MGRN1: variants seen among roughly 807,000 people sequenced by gnomAD.
The protein encoded by MGRN1 is mahogunin ring finger 1, also known as E3 ubiquitin-protein ligase MGRN1.
MGRN1 carries 29 observed loss-of-function variants against 69.2 expected under a neutral mutation model. That is an observed-to-expected ratio of 0.42 (90% CI 0.31 to 0.57). The LOEUF is 0.57. Among genes scored for constraint, MGRN1 ranks in the 20% least tolerant of loss-of-function variants. The pLI, the probability that MGRN1 is intolerant of heterozygous loss-of-function variation, is 0.15. For synonymous variants in MGRN1, 470 were observed against 344.2 expected (o/e 1.37, Z -4.04); for missense variants, 998 against 796.2 (o/e 1.25, Z -3.05).
At chr16:4,685,986 C>T (rs781346364) in intron 16 of MGRN1, among the ~76,000 whole-genome samples, 2 of 152,218 alleles carry the variant, frequency 1.3e-5, no homozygotes, top group East Asian at 1.9e-4. Context: ...AGGTGGACTG[C>T]GCCCGTTAGG....
Position 4,664,905 on chromosome 16 carries a change from G to T in MGRN1, c.628+130G>T, listed in dbSNP as rs756460694. 25 of 1,324,544 alleles carry T rather than the reference G, an allele frequency of 1.9e-5. No individual in the cohort carries two copies. The African/African-American group carries it at 3.3e-4, about 18-fold the overall frequency. The allele number at this position is 1,324,544 out of a possible 1,614,324, so 82.0% of individuals were successfully genotyped here. ...GGGCCTTGGGCTTCCCACAGGGCAG[G>T]GTGTGAGCAGCTTGGAGTCCCGGGC... is the stretch of plus-strand genomic sequence containing the variant. On this transcript the variant is annotated intron_variant, in intron 6 of 16. Transcript: ENST00000262370.
chr16:4,627,157 G>A (rs1897722251), intron 1 of MGRN1, among the ~76,000 whole-genome samples: 1 of 152,212 alleles, frequency 6.6e-6, no homozygotes, highest in Non-Finnish European at 1.5e-5. Flanking sequence ...CGGGGACCGT[G>A]GAGACATTTG....
intron 4 of MGRN1, among the ~76,000 whole-genome samples, chr16:4,654,795 T>G (rs1160675888): frequency 6.6e-6 from 1 of 152,194 alleles, no homozygotes; most frequent in Non-Finnish European, 1.5e-5. Context: ...ACGACTTATG[T>G]GGGGAGGTTC....
At chr16:4,658,792 G>A (rs2078611203) in intron 5 of MGRN1, 1 of 152,192 alleles carries the variant, frequency 6.6e-6, no homozygotes, top group Non-Finnish European at 1.5e-5. Flanking sequence ...ATCATTTGAG[G>A]CCAGGAGTCT....
chr16:4,652,592 A>G (rs2078433375), intron 3 of MGRN1, 86 bp from the exon 4 acceptor site: 6 of 1,485,624 alleles, frequency 4.0e-6, no homozygotes, highest in Non-Finnish European at 5.4e-6. Context: ...AGCCACCTCC[A>G]CGGCCCCTCA....
intron 5 of MGRN1, among the ~76,000 whole-genome samples, chr16:4,662,312 C>T (rs554602996): frequency 5.3e-5 from 8 of 152,096 alleles, no homozygotes; most frequent in Non-Finnish European, 7.4e-5. Flanking sequence ...GTCAGGAGTT[C>T]GAGACCAGCT....
At chr16:4,630,393 C>A (rs1797665404) in intron 1 of MGRN1, among the ~76,000 whole-genome samples, 1 of 151,414 alleles carries the variant, frequency 6.6e-6, no homozygotes, top group Non-Finnish European at 1.5e-5. Flanking sequence ...GAAATCTTTG[C>A]CTAGGTCAAG....
intron 5 of MGRN1, among the ~76,000 whole-genome samples, chr16:4,659,986 G>A (rs760579313): frequency 3.2e-4 from 48 of 152,210 alleles, no homozygotes; most frequent in African/African-American, 7.5e-4. Context: ...TGGGGCGGGG[G>A]CCTCCCGTCC....
chr16:4,687,234 G>A, intron 16 of MGRN1: 1 of 985,406 alleles, frequency 1.0e-6, no homozygotes, highest in Non-Finnish European at 1.2e-6. Flanking sequence ...CCTCTACCAG[G>A]GTGGCCCAGG....
intron 4 of MGRN1, among the ~76,000 whole-genome samples, chr16:4,653,378 T>C (rs1567195490): frequency 6.6e-6 from 1 of 152,238 alleles, no homozygotes; most frequent in Non-Finnish European, 1.5e-5. Context: ...GGGCCTTTTC[T>C]GGAGGCTTCA....
At chr16:4,647,633 C>T (rs1259745573) in intron 1 of MGRN1, among the ~76,000 whole-genome samples, 1 of 152,236 alleles carries the variant, frequency 6.6e-6, no homozygotes, top group Non-Finnish European at 1.5e-5. Flanking sequence ...AGAAAATGAT[C>T]TTGCAGTGTG....
At chr16:4,669,891 G>A (rs1256211877) in intron 8 of MGRN1, among the ~76,000 whole-genome samples, 4 of 152,018 alleles carry the variant, frequency 2.6e-5, no homozygotes, top group African/African-American at 9.7e-5. Context: ...GAATTTAGAG[G>A]ATGGGGTGCC....
At chr16:4,654,324 C>T (rs547858379) in intron 4 of MGRN1, among the ~76,000 whole-genome samples, 27 of 152,346 alleles carry the variant, frequency 1.8e-4, no homozygotes, top group Admixed American at 4.6e-4. Context: ...GACTCTGTGT[C>T]AGGAACTGGG....
intron 1 of MGRN1, among the ~76,000 whole-genome samples, chr16:4,646,726 C>T (rs1036384968): frequency 2.6e-5 from 4 of 152,316 alleles, no homozygotes; most frequent in Admixed American, 2.0e-4. Context: ...ACATGTCGGC[C>T]GGGAGGTGAG....
chr16:4,648,004 A>G (rs1226438329), intron 1 of MGRN1, among the ~76,000 whole-genome samples: 2 of 151,974 alleles, frequency 1.3e-5, no homozygotes, highest in Non-Finnish European at 2.9e-5. Flanking sequence ...GGTTCTCGGG[A>G]AGGACACAGA....
intron 10 of MGRN1, among the ~76,000 whole-genome samples, chr16:4,674,626 C>CTTTTTTTTTTTTTTTTTTTTTT (rs71139654): frequency 1.3e-4 from 6 of 47,256 alleles, no homozygotes; most frequent in African/African-American, 2.7e-4. Flanking sequence ...CTTTTCTTTT[C>CTTTTTTTTTTTTTTTTTTTTTT]TTTTTTTTTT....
At chr16:4,670,743 C>T (rs1239429557) in intron 8 of MGRN1, among the ~76,000 whole-genome samples, 4 of 152,188 alleles carry the variant, frequency 2.6e-5, no homozygotes, top group Admixed American at 6.5e-5. Context: ...TCTAGCAGGT[C>T]CAGGTCCCTG....
At chr16:4,632,540 C>G (rs990151888) in intron 1 of MGRN1, among the ~76,000 whole-genome samples, 2 of 151,988 alleles carry the variant, frequency 1.3e-5, no homozygotes. Context: ...ACTACAGGCA[C>G]CCGCCACTAC....
At position 4,682,996 on chromosome 16, in the gene MGRN1, T is replaced by G. The variant is rs763988471; in HGVS notation, c.1482+50T>G. 21 of 1,498,724 alleles carry G rather than the reference T, an allele frequency of 1.4e-5. No homozygotes were observed. In the East Asian group the frequency reaches 2.4e-4, roughly 17 times the overall value. 92.8% of individuals were successfully genotyped at this position (1,498,724 alleles called of 1,614,324 possible). A position where few individuals can be genotyped will look rare whatever the true frequency, so the allele number is the denominator to read the frequency against. ...GCGCACCCGCCCGGGCCAGCCCTCCTCCAGCTTCTGTCGCTGGAATCAGAC... is the reference window on the plus strand; with the variant it reads ...GCGCACCCGCCCGGGCCAGCCCTCCGCCAGCTTCTGTCGCTGGAATCAGAC... On this transcript the variant is annotated intron_variant, in intron 14 of 16. Coordinates refer to ENST00000262370, the MANE Select transcript of MGRN1 (RefSeq NM_015246.4).
Sources: gnomAD v4.1 joint callset for allele counts (sites outside exome capture counted in the v4.1 genomes callset) on GRCh38, gnomAD v4.1.1 for gene constraint, MANE v1.5 for transcripts, NCBI Gene and HGNC (gene_info 2026-07-23, HGNC 2026-07-21) for gene names.